The following MAST2 variants were observed in gnomAD, a reference collection of about 807,000 sequenced individuals.
The protein encoded by MAST2 is microtubule associated serine/threonine kinase 2, also known as microtubule-associated serine/threonine-protein kinase 2.
A neutral mutation model predicts 147.4 loss-of-function variants in MAST2; 70 were observed. The observed-to-expected ratio is 0.47, with a 90% CI of 0.39 to 0.58. MAST2 has a LOEUF of 0.58. MAST2 is among the 20% of genes least tolerant of loss of function. MAST2 has a pLI of 0.00. For missense variants in MAST2, 2,080 were observed against 2,302.3 expected, an observed-to-expected ratio of 0.90 and a Z score of 1.98; for synonymous variants, 869 against 896.8, an observed-to-expected ratio of 0.97 and a Z score of 0.55.
intron 4 of MAST2, among the ~76,000 whole-genome samples, chr1:45,894,014 A>G (rs1011554155): frequency 3.3e-5 from 5 of 152,126 alleles, no homozygotes; most frequent in African/African-American, 1.2e-4. Context: ...CAGGAGTTTG[A>G]GACCAGCCTA....
At chr1:45,917,613 A>G (rs909741478) in intron 4 of MAST2, 3 of 985,000 alleles carry the variant, frequency 3.0e-6, no homozygotes, top group African/African-American at 3.4e-5. Context: ...CTCCTTAATA[A>G]TGGGGAGAAA....
At chr1:45,932,746 T>C (rs1439919311) in intron 4 of MAST2, among the ~76,000 whole-genome samples, 1 of 152,168 alleles carries the variant, frequency 6.6e-6, no homozygotes, top group Non-Finnish European at 1.5e-5. Flanking sequence ...AATCTGTTAA[T>C]ACCATTTTAG....
chr1:45,947,905 A>G (rs369201042), intron 4 of MAST2, among the ~76,000 whole-genome samples: 18 of 152,242 alleles, frequency 1.2e-4, no homozygotes, highest in African/African-American at 4.3e-4. Flanking sequence ...TTTAGTAGAG[A>G]CAGGGTTTCA....
intron 2 of MAST2, among the ~76,000 whole-genome samples, chr1:45,827,346 C>A (rs997175169): frequency 6.6e-6 from 1 of 152,094 alleles, no homozygotes; most frequent in Non-Finnish European, 1.5e-5. Flanking sequence ...GTTGTTCCTT[C>A]CGTTTTATTT....
chr1:45,905,799 A>T (rs1397719154), intron 4 of MAST2, among the ~76,000 whole-genome samples: 1 of 151,860 alleles, frequency 6.6e-6, no homozygotes, highest in Non-Finnish European at 1.5e-5. Flanking sequence ...TGCCAAACTT[A>T]GATTTAGGAT....
chr1:46,032,229 C>T lies in MAST2; in HGVS notation c.3239C>T (p.Ser1080Leu). The change falls in exon 25 of 29, where the codon TCG (serine) becomes TTG (leucine). Residue 1080 changes from serine to leucine, a missense_variant. By Grantham distance (145) the Ser-to-Leu change is moderately radical. Around this residue, in one of 4 missense-constraint regions of MAST2, gnomAD observed 1,278 missense variants for 1,304.2 expected, o/e 0.98. Transcript: ENST00000361297. ...LASPMSPHSQ[S>L]SNPSSRDSSP... ...AGCCCCATGTCCCCACATTCTCAGT[C>T]GTCCAACCCATCATCCCGGGACTCT... The T allele has an allele frequency of 8.1e-6, 13 of 1,614,220 alleles. No homozygotes were observed. Among genetic ancestry groups the T allele is most frequent in the Non-Finnish European group, 1.1e-5 (13 of 1,180,048 alleles).
intron 5 of MAST2, among the ~76,000 whole-genome samples, chr1:45,966,918 G>T (rs1661305619): frequency 1.4e-5 from 2 of 142,664 alleles, no homozygotes; most frequent in Non-Finnish European, 3.0e-5. Context: ...TCAGGTTGGA[G>T]TATGGTGGCA....
At chr1:46,000,072 G>T (rs1645211117) in intron 6 of MAST2, among the ~76,000 whole-genome samples, 1 of 152,230 alleles carries the variant, frequency 6.6e-6, no homozygotes, top group South Asian at 2.1e-4. Context: ...CCAGCACTTT[G>T]GGAGGCCGAA....
chr1:45,897,218 C>T (rs1382649857), intron 4 of MAST2, among the ~76,000 whole-genome samples: 1 of 152,162 alleles, frequency 6.6e-6, no homozygotes, highest in East Asian at 1.9e-4. Context: ...CTTCCTCAGT[C>T]CACTCCCATT....
chr1:46,035,778 G>T lies in MAST2; in HGVS notation c.5109G>T (p.Gly1703=). Reference sequence around the variant, plus strand: ...AGAACCTGTCTCCCAGGGAGCAGGGGAAGACACAGCCACCTAGTGCCCCCA... The same window carrying T: ...AGAACCTGTCTCCCAGGGAGCAGGGTAAGACACAGCCACCTAGTGCCCCCA... ...QPKNLSPREQ[G]KTQPPSAPRL... is the part of the protein sequence containing the mutation. Residue 1703 remains glycine, a synonymous_variant, in exon 29 of 29, where the codon GGG becomes GGT. Coordinates refer to ENST00000361297, the MANE Select transcript of MAST2 (RefSeq NM_015112.3). This position sits in a 1 kb window ranked among gnomAD's most constrained non-coding sequence, Gnocchi z 5.5. 6.2e-7 allele frequency: 1 copy of T among 1,614,072 alleles called. No individual in the cohort carries two copies. The highest frequency in any genetic ancestry group is 8.5e-7 in the Non-Finnish European group (1 of 1,180,020).
At chr1:45,979,671 A>T (rs1317525330) in intron 5 of MAST2, among the ~76,000 whole-genome samples, 1 of 152,126 alleles carries the variant, frequency 6.6e-6, no homozygotes, top group Non-Finnish European at 1.5e-5. Context: ...CCAAAAATTA[A>T]AAAATTATCT....
At chr1:45,987,949 C>T (rs1222533562) in intron 5 of MAST2, among the ~76,000 whole-genome samples, 1 of 151,534 alleles carries the variant, frequency 6.6e-6, no homozygotes, top group Non-Finnish European at 1.5e-5. Flanking sequence ...GATATAATTT[C>T]CTTTCTAATA....
chr1:45,979,347 T>G lies in MAST2; in HGVS notation c.593-18377T>G, dbSNP rs60789947. ...GATGAATCATCACTTACCTTTGAAC[T>G]GTCTCCTCCAGCTGCTAAAATCGAT... On this transcript the variant is annotated intron_variant, in intron 5 of 28. Transcript: ENST00000361297. Among the ~76,000 whole-genome samples, 1,009 of 152,290 alleles carry G rather than the reference T, an allele frequency of 6.6e-3. 12 individuals are homozygous for G. The highest frequency in any genetic ancestry group is 0.023 in the African/African-American group (973 of 41,560).
Position 46,035,563 on chromosome 1 carries a change from C to T in MAST2, c.4894C>T (p.Pro1632Ser). Residue 1632 changes from proline to serine, a missense_variant, in exon 29 of 29, where the codon CCC becomes TCC. By Grantham distance (74) the Pro-to-Ser change is moderately conservative (BLOSUM62 -1). Coordinates refer to ENST00000361297, the MANE Select transcript of MAST2 (RefSeq NM_015112.3). This position sits in a 1 kb window ranked among gnomAD's most constrained non-coding sequence, Gnocchi z 5.5. ...LHTQALTALS[P>S]STSGLTPTSS... ...CACCCAGGCACTAACAGCACTTTCT[C>T]CCAGCACTTCGGGACTCACCCCCAC... 1 of 1,613,616 alleles carries T rather than the reference C, an allele frequency of 6.2e-7. No individual in the cohort carries two copies.
chr1:45,939,236 A>G (rs1300398788), intron 4 of MAST2, among the ~76,000 whole-genome samples: 1 of 152,078 alleles, frequency 6.6e-6, no homozygotes, highest in African/African-American at 2.4e-5. Context: ...GTGACTGTCC[A>G]ATTTTTCTAG....
intron 5 of MAST2, among the ~76,000 whole-genome samples, chr1:45,995,105 G>T (rs1362112926): frequency 6.6e-6 from 1 of 152,034 alleles, no homozygotes; most frequent in Non-Finnish European, 1.5e-5. Context: ...CTCCCAAAGT[G>T]CTGGGATTAC....
chr1:46,030,739 T>C lies in MAST2; in HGVS notation c.2686T>C (p.Trp896Arg). Residue 896 changes from tryptophan to arginine, a missense_variant, in exon 22 of 29, where the codon TGG (tryptophan) becomes CGG (arginine). Physicochemically the swap from Trp to Arg is moderately radical, Grantham distance 101. Around this residue, in one of 4 missense-constraint regions of MAST2, gnomAD observed 1,278 missense variants for 1,304.2 expected, o/e 0.98. Transcript: ENST00000361297. ...LAGLKGRDRS[W>R]VIGSPEILRK... ...AGGGCTCAAAGGCCGAGACCGGAGC[T>C]GGGTGATTGGCTCCCCTGAGATGTG... The C allele has an allele frequency of 1.9e-6, 3 of 1,588,800 alleles. No individual in the cohort carries two copies. Among genetic ancestry groups the C allele is most frequent in the Non-Finnish European group, 2.6e-6 (3 of 1,171,140 alleles).
At chr1:45,963,223 C>A (rs981879670) in intron 5 of MAST2, among the ~76,000 whole-genome samples, 14 of 152,132 alleles carry the variant, frequency 9.2e-5, no homozygotes, top group Non-Finnish European at 1.6e-4. Context: ...GTTCTTTTGG[C>A]TTAGGATTGT....
intron 4 of MAST2, among the ~76,000 whole-genome samples, chr1:45,894,273 G>C (rs1648355898): frequency 6.6e-6 from 1 of 151,986 alleles, no homozygotes; most frequent in South Asian, 2.1e-4. Context: ...CTACACGTAG[G>C]ATCTGATTTG....
Sources: gnomAD v4.1 joint callset for allele counts (sites outside exome capture counted in the v4.1 genomes callset) on GRCh38, gnomAD v4.1.1 for gene constraint, gnomAD v4.1.1 regional missense constraint, Gnocchi (gnomAD v3.1) non-coding constraint, MANE v1.5 for transcripts, NCBI Gene and HGNC (gene_info 2026-07-23, HGNC 2026-07-21) for gene names.